Variants in KRT7 observed in about 807,000 individuals in gnomAD.
KRT7 encodes keratin, type II cytoskeletal 7.
A neutral mutation model predicts 42.8 loss-of-function variants in KRT7; 50 were observed. The observed-to-expected ratio is 1.17, with a 90% CI of 0.93 to 1.48. KRT7 has a LOEUF of 1.48. Ranked by LOEUF, KRT7 falls within the 40% of genes most tolerant of loss-of-function variation. The pLI is 0.00. For missense variants in KRT7, 588 were observed against 637.6 expected, an observed-to-expected ratio of 0.92 and a Z score of 0.84; for synonymous variants, 268 against 266.3, an observed-to-expected ratio of 1.01 and a Z score of -0.06.
At chr12:52,252,025 A>G (rs1565725414), downstream of KRT7, 1 of 702,782 alleles carries the variant, frequency 1.4e-6, no homozygotes. Context: ...TGGATTACTT[A>G]CAGACATTTA....
rs745654212 is a variant in KRT7 at position 52,235,209 on chromosome 12, C to G, written c.379C>G (p.Gln127Glu). Residue 127 changes from glutamine (Q) to glutamate (E), a missense_variant, in exon 2 of 9, where the codon CAG becomes GAG. Gln to Glu is a conservative substitution (Grantham distance 29). Coordinates refer to ENST00000331817, the MANE Select transcript of KRT7 (RefSeq NM_005556.4). ...GCTGGAGACCAAGTGGACGCTGCTG[C>G]AGGAGCAGAAGTCGGCCAAGAGCAG... Reference protein sequence around the residue: ...KLLETKWTLLQEQKSAKSSRL... With the variant: ...KLLETKWTLLEEQKSAKSSRL... 1.2e-6 allele frequency: 2 copies of G among 1,614,166 alleles called. No individual in the cohort carries two copies. The highest frequency in any genetic ancestry group is 3.3e-5 in the Admixed American group (2 of 60,030).
chr12:52,242,787 G>A (rs905110710), intron 5 of KRT7, among the ~76,000 whole-genome samples: 2 of 152,144 alleles, frequency 1.3e-5, no homozygotes, highest in South Asian at 2.1e-4. Flanking sequence ...GGTCCATGGG[G>A]ATGGGACTGC....
downstream of KRT7, among the ~76,000 whole-genome samples, chr12:52,254,064 A>G (rs1303336184): frequency 2.0e-5 from 3 of 152,066 alleles, no homozygotes. Context: ...CCTTGTGGCA[A>G]TTGTCACTTT....
chr12:52,233,373 T>G lies in KRT7; in HGVS notation c.77T>G (p.Leu26Arg). The G allele has an allele frequency of 6.4e-7, 1 of 1,572,580 alleles. No homozygotes were observed. Among genetic ancestry groups the G allele is most frequent in the Non-Finnish European group, 8.6e-7 (1 of 1,164,956 alleles). ...TCGGGCCGCGGCGCCCAGGTGCGCC[T>G]GAGCTCCGCTCGCCCCGGCGGCCTT... ...AFSGRGAQVR[L>R]SSARPGGLGS... Residue 26 changes from leucine (L) to arginine (R), a missense_variant, in exon 1 of 9, where the codon CTG (leucine) becomes CGG (arginine). Physicochemically the swap from Leu to Arg is moderately radical, Grantham distance 102. Transcript: ENST00000331817.
At chr12:52,243,231 T>C (rs572443601) in intron 6 of KRT7, 94 bp downstream of exon 6, 1 of 1,430,326 alleles carries the variant, frequency 7.0e-7, no homozygotes, top group African/African-American at 1.4e-5. Flanking sequence ...GAGGTTCCCA[T>C]CTCCCGGCCA....
chr12:52,248,160 C>G lies in KRT7; in HGVS notation c.1206-17C>G. On this transcript the variant is annotated splice_polypyrimidine_tract_variant and intron_variant, in intron 7 of 8. Coordinates refer to ENST00000331817, the MANE Select transcript of KRT7 (RefSeq NM_005556.4). ...GCTAGGAAAGAGCCGTCCTCACTGT[C>G]TGTCCTCTGCCCCCAGGTTGGCTGG... 1 of 1,613,818 alleles carries G rather than the reference C, an allele frequency of 6.2e-7. No individual in the cohort carries two copies. Among genetic ancestry groups the G allele is most frequent in the Non-Finnish European group, 8.5e-7 (1 of 1,179,782 alleles).
At position 52,248,769 on chromosome 12, in the gene KRT7, C is replaced by T. The variant is rs769202284; in HGVS notation, c.*9C>T. 1 of 1,536,970 alleles carries T rather than the reference C, an allele frequency of 6.5e-7. No homozygotes were observed. Among genetic ancestry groups the T allele is most frequent in the Non-Finnish European group, 8.7e-7 (1 of 1,145,410 alleles). On this transcript the variant is annotated 3_prime_UTR_variant, in exon 9 of 9. Coordinates refer to ENST00000331817, the MANE Select transcript of KRT7 (RefSeq NM_005556.4). ...GGAGTGCCCGCGACTGAGCCGCCTC[C>T]CACCACTCCACTCCTCCAGCCACCA...
Position 52,233,253 on chromosome 12 carries a change from C to A in KRT7, c.-44C>A. On this transcript the variant is annotated 5_prime_UTR_variant, in exon 1 of 9. Coordinates refer to ENST00000331817, the MANE Select transcript of KRT7 (RefSeq NM_005556.4). ...AGTGTCCCCGAGGTCAGCGAGTGCG[C>A]GCTCCTCCTCGCCCGCCGCTAGGTC... 1 of 1,424,056 alleles carries A rather than the reference C, an allele frequency of 7.0e-7. No homozygotes were observed. The highest frequency in any genetic ancestry group is 9.3e-7 in the Non-Finnish European group (1 of 1,072,452). 88.2% of individuals were successfully genotyped at this position (1,424,056 alleles called of 1,614,324 possible). A position where few individuals can be genotyped will look rare whatever the true frequency, so the allele number is the denominator to read the frequency against.
At chr12:52,234,970 G>C (rs1941989075) in intron 1 of KRT7, among the ~76,000 whole-genome samples, 185 bp from the exon 2 acceptor site, 1 of 152,260 alleles carries the variant, frequency 6.6e-6, no homozygotes, top group Non-Finnish European at 1.5e-5. Flanking sequence ...AGGCAGACCT[G>C]CTTCCTGGAT....
downstream of KRT7, chr12:52,249,382 AGGCCTGG>A: frequency 6.6e-6 from 1 of 152,530 alleles, no homozygotes; most frequent in Non-Finnish European, 1.5e-5. Context: ...ATGGTCAGCC[AGGCCTGG>A]GGCCCTGGAG....
intron 3 of KRT7, among the ~76,000 whole-genome samples, chr12:52,237,906 G>A (rs907330545): frequency 6.6e-6 from 1 of 152,202 alleles, no homozygotes; most frequent in African/African-American, 2.4e-5. Context: ...TGCTTGGCTG[G>A]CCTGAAATGT....
rs146115975 is a variant in KRT7, at chr12:52,245,478, C to G, written c.1051C>G (p.Arg351Gly). Reference sequence around the variant, plus strand: ...TGGGGAGCTGGCGCTCAAGGATGCTCGTGCCAAGCAGGAGGAGCTGGAAGC... The same window carrying G: ...TGGGGAGCTGGCGCTCAAGGATGCTGGTGCCAAGCAGGAGGAGCTGGAAGC... ...ERGELALKDA[R>G]AKQEELEAAL... The change falls in exon 7 of 9, where the codon CGT becomes GGT. Residue 351 changes from arginine to glycine, a missense_variant. Physicochemically the swap from Arg to Gly is moderately radical, Grantham distance 125. Coordinates refer to ENST00000331817, the MANE Select transcript of KRT7 (RefSeq NM_005556.4). 36 of 1,613,896 alleles carry G rather than the reference C, an allele frequency of 2.2e-5. No homozygotes were observed. Among genetic ancestry groups the G allele is most frequent in the Non-Finnish European group, 2.7e-5 (32 of 1,179,968 alleles).
At chr12:52,243,261 A>G in intron 6 of KRT7, 124 bp downstream of exon 6, 1 of 1,161,768 alleles carries the variant, frequency 8.6e-7, no homozygotes, top group Non-Finnish European at 1.2e-6. Flanking sequence ...CCACTGTCTC[A>G]GACCCCCTTG....
downstream of KRT7, chr12:52,255,286 C>T: frequency 2.2e-6 from 1 of 456,096 alleles, no homozygotes; most frequent in Non-Finnish European, 4.4e-6. Flanking sequence ...ACCTTTGGGT[C>T]TAGGACCCTT....
At chr12:52,243,163 C>A in intron 6 of KRT7, 26 bp downstream of exon 6, 1 of 1,599,018 alleles carries the variant, frequency 6.3e-7, no homozygotes, top group Non-Finnish European at 8.5e-7. Flanking sequence ...CTGGCTTCCC[C>A]TGCTACTTGG....
chr12:52,248,723 G>A lies in KRT7; in HGVS notation c.1373G>A (p.Arg458Gln), dbSNP rs541744306. ...GGGCTCCTGAAGGCTTATTCCATCC[G>A]GACCGCATCCGCCAGTCGCAGGAGT... Reference protein sequence around the residue: ...GPGLLKAYSIRTASASRRSAR... With the variant: ...GPGLLKAYSIQTASASRRSAR... Residue 458 changes from arginine (R) to glutamine (Q), a missense_variant, in exon 9 of 9, where the codon CGG becomes CAG. Arg to Gln is a conservative substitution (Grantham distance 43). Transcript: ENST00000331817. 50 of 1,603,144 alleles carry A rather than the reference G, an allele frequency of 3.1e-5. No individual in the cohort carries two copies. The highest frequency in any genetic ancestry group is 4.4e-5 in the South Asian group (4 of 90,168).
Position 52,248,229 on chromosome 12 carries a change from G to A in KRT7, c.1240+18G>A. 6.2e-7 allele frequency: 1 copy of A among 1,613,586 alleles called. No individual in the cohort carries two copies. ...GAATATCTGTAAGTCCTTGGCTGCG[G>A]CCCATGGGAAGCATCCCTTGTGCTG... On this transcript the variant is annotated intron_variant, in intron 8 of 8. Transcript: ENST00000331817.
chr12:52,252,968 C>G (rs1942288832), downstream of KRT7, among the ~76,000 whole-genome samples: 1 of 152,208 alleles, frequency 6.6e-6, no homozygotes, highest in South Asian at 2.1e-4. Context: ...AGGTTTCCTG[C>G]CCCTTAGACT....
Position 52,241,500 on chromosome 12 carries a change from C to G in KRT7, c.722C>G (p.Ser241Cys). Residue 241 changes from serine (S) to cysteine (C), a missense_variant, in exon 5 of 9, where the codon TCC becomes TGC. By Grantham distance (112) the Ser-to-Cys change is moderately radical (BLOSUM62 -1). Transcript: ENST00000331817. ...TELTELQSQI[S>C]DTSVVLSMDN... The stretch of plus-strand genomic sequence containing the variant: ...TTGACAGAGCTGCAGTCCCAGATCT[C>G]CGACACATCTGTGGTGCTGTCCATG... 1 of 1,613,438 alleles carries G rather than the reference C, an allele frequency of 6.2e-7. No homozygotes were observed.
Sources: gnomAD v4.1 joint callset for allele counts (sites outside exome capture counted in the v4.1 genomes callset) on GRCh38, gnomAD v4.1.1 for gene constraint, MANE v1.5 for transcripts, NCBI Gene and HGNC (gene_info 2026-07-23, HGNC 2026-07-21) for gene names.